Variants in CUX1 observed in about 807,000 individuals in gnomAD.
The protein encoded by CUX1 is protein CASP.
In CUX1, 31 loss-of-function variants were observed where a neutral mutation model predicts 158.8. The observed-to-expected ratio is 0.20, with a 90% confidence interval of 0.15 to 0.26. The LOEUF is 0.26. Among genes scored for constraint, CUX1 ranks in the 10% least tolerant of loss-of-function variants. CUX1 has a pLI of 1.00. For synonymous variants in CUX1, 879 were observed against 862.1 expected, an observed-to-expected ratio of 1.02 and a Z score of -0.34; for missense variants, 1,589 against 2,014.6, an observed-to-expected ratio of 0.79 and a Z score of 4.04.
chr7:102,033,106 G>A (rs1366831199), intron 3 of CUX1, among the ~76,000 whole-genome samples: 3 of 152,072 alleles, frequency 2.0e-5, no homozygotes, highest in Admixed American at 1.3e-4. Flanking sequence ...TTGAGTGCTC[G>A]TATTAGAGAA....
chr7:101,991,657 G>A (rs537411678), intron 2 of CUX1, among the ~76,000 whole-genome samples: 5 of 152,118 alleles, frequency 3.3e-5, no homozygotes, highest in African/African-American at 1.2e-4. Context: ...TACTCGGGAG[G>A]CTGAGGCAGG....
At chr7:101,837,411 G>A (rs1471561372) in intron 1 of CUX1, among the ~76,000 whole-genome samples, 1 of 152,180 alleles carries the variant, frequency 6.6e-6, no homozygotes, top group African/African-American at 2.4e-5. Context: ...ATCTCAGTGA[G>A]TCTGTCAACT....
At chr7:101,936,439 G>A (rs930014355) in intron 2 of CUX1, among the ~76,000 whole-genome samples, 4 of 152,114 alleles carry the variant, frequency 2.6e-5, no homozygotes, top group East Asian at 1.9e-4. Context: ...GATGGGATCC[G>A]GCACTCGGGC....
chr7:102,097,553 CTTTTTA>C (rs782390398), intron 5 of CUX1, 52 bp downstream of exon 5: 1 of 1,522,572 alleles, frequency 6.6e-7, no homozygotes, highest in Non-Finnish European at 8.8e-7. Context: ...TTTTTCTCTT[CTTTTTA>C]TTTTAATTGG....
At chr7:101,977,635 C>T (rs543861548) in intron 2 of CUX1, among the ~76,000 whole-genome samples, 64 of 152,066 alleles carry the variant, frequency 4.2e-4, no homozygotes, top group African/African-American at 1.4e-3. Flanking sequence ...AGAGTGAAAC[C>T]GTGGCTCAAA....
intron 5 of CUX1, among the ~76,000 whole-genome samples, chr7:102,101,723 A>G (rs1169774916): frequency 6.6e-6 from 1 of 152,116 alleles, no homozygotes; most frequent in Non-Finnish European, 1.5e-5. Flanking sequence ...CAGCCTCGCC[A>G]ACATGGTGAA....
intron 3 of CUX1, among the ~76,000 whole-genome samples, chr7:102,067,158 C>G (rs966585835): frequency 4.6e-5 from 7 of 152,072 alleles, no homozygotes; most frequent in African/African-American, 1.7e-4. Context: ...CCACCCACCC[C>G]CAGTCTGAGA....
At chr7:102,265,222 A>G (rs1387519253) in intron 14 of CUX1, among the ~76,000 whole-genome samples, 9 of 151,844 alleles carry the variant, frequency 5.9e-5, no homozygotes, top group African/African-American at 1.2e-4. Context: ...CGGGCATGGT[A>G]GCGGGCGCCT....
At chr7:102,002,256 C>T (rs776544131) in intron 2 of CUX1, among the ~76,000 whole-genome samples, 2 of 152,228 alleles carry the variant, frequency 1.3e-5, no homozygotes, top group Non-Finnish European at 2.9e-5. Context: ...GCTGTGCTTG[C>T]ACCACTGCAC....
rs1279004362 is a variant in CUX1 at position 101,958,223 on chromosome 7, G to A, written c.141+41998G>A. On this transcript the variant is annotated intron_variant, in intron 2 of 23. Transcript: ENST00000292535. ...CCCAAAGGTGGGAAGGGGCACACAG[G>A]TAACAGAAATGACAGCGTTGACATC... 2.6e-5 allele frequency among the ~76,000 whole-genome samples: 4 copies of A among 152,102 alleles called. No homozygotes were observed. The East Asian group carries it at 7.7e-4, about 29-fold the overall frequency.
At chr7:102,120,361 C>T (rs567955447) in intron 8 of CUX1, among the ~76,000 whole-genome samples, 3 of 152,144 alleles carry the variant, frequency 2.0e-5, no homozygotes, top group South Asian at 2.1e-4. Flanking sequence ...CACTGAGCCT[C>T]GATGAAAGAA....
intron 19 of CUX1, among the ~76,000 whole-genome samples, chr7:102,280,434 C>T (rs532008701): frequency 6.6e-5 from 10 of 152,340 alleles, no homozygotes; most frequent in East Asian, 1.9e-4. Flanking sequence ...AGTGCATTTG[C>T]GGGACAGGCA....
intron 1 of CUX1, among the ~76,000 whole-genome samples, chr7:101,857,461 A>G (rs868124470): frequency 2.0e-5 from 3 of 152,368 alleles, no homozygotes; most frequent in South Asian, 2.1e-4. Context: ...GGACGGATGA[A>G]AAATGAGGAC....
chr7:102,235,343 C>T (rs577145474), intron 22 of CUX1, among the ~76,000 whole-genome samples: 24 of 152,276 alleles, frequency 1.6e-4, no homozygotes, highest in African/African-American at 5.5e-4. Context: ...CAGCTGCTGC[C>T]GGTCTGACCG....
intron 20 of CUX1, among the ~76,000 whole-genome samples, chr7:102,213,174 G>A (rs996146277): frequency 9.2e-5 from 14 of 152,200 alleles, no homozygotes; most frequent in South Asian, 2.1e-4. Context: ...GAATCTAGTC[G>A]CATCTTCCCA....
At chr7:101,964,731 T>G (rs957252001) in intron 2 of CUX1, among the ~76,000 whole-genome samples, 25 of 152,140 alleles carry the variant, frequency 1.6e-4, no homozygotes, top group African/African-American at 5.3e-4. Context: ...ACCAGAATAT[T>G]ATCGTTTCAG....
At chr7:102,260,182 C>G (rs577871290), downstream of CUX1, among the ~76,000 whole-genome samples, 3 of 151,518 alleles carry the variant, frequency 2.0e-5, no homozygotes, top group Non-Finnish European at 4.4e-5. Flanking sequence ...TCACCACCTC[C>G]TCCTCCCAGG....
At chr7:101,898,007 G>A (rs1313278257) in intron 1 of CUX1, among the ~76,000 whole-genome samples, 1 of 152,164 alleles carries the variant, frequency 6.6e-6, no homozygotes, top group African/African-American at 2.4e-5. Context: ...TAGCACCCCC[G>A]GTACCCCGGT....
At position 102,233,282 on chromosome 7, in the gene CUX1, C is replaced by T. The variant is rs188499579; in HGVS notation, c.3434-770C>T. ...CTCACTGCAGTCTCAACCTCCTGGGCTCAGGCAATCCTCCCATCTCAGCCT... is the reference window on the plus strand; with the variant it reads ...CTCACTGCAGTCTCAACCTCCTGGGTTCAGGCAATCCTCCCATCTCAGCCT... On this transcript the variant is annotated intron_variant, in intron 21 of 23. Transcript: ENST00000292535. Among the ~76,000 whole-genome samples the T allele has an allele frequency of 1.3e-3, 193 of 149,514 alleles. 1 individual carries two copies. Among genetic ancestry groups the T allele is most frequent in the African/African-American group, 4.6e-3 (186 of 40,630 alleles).
Sources: allele counts gnomAD v4.1 joint callset (sites outside exome capture counted in the v4.1 genomes callset), GRCh38; gene constraint gnomAD v4.1.1; transcripts MANE v1.5; gene names NCBI Gene and HGNC (gene_info 2026-07-23, HGNC 2026-07-21).